Variants in AP3S2 observed in about 807,000 individuals in gnomAD.
The protein encoded by AP3S2 is AP-3 complex subunit sigma-2.
AP3S2 carries 22 observed loss-of-function variants against 23.4 expected under a neutral mutation model. The observed-to-expected ratio is 0.94, with a 90% confidence interval of 0.67 to 1.34. AP3S2 has a LOEUF of 1.34. Among genes scored for constraint, AP3S2 ranks in the 40% most tolerant of loss-of-function variants. The pLI, the probability that AP3S2 is intolerant of heterozygous loss-of-function variation, is 0.00. For synonymous variants in AP3S2, 86 were observed against 87.1 expected (o/e 0.99, Z 0.07); for missense variants, 241 against 236.9 (o/e 1.02, Z -0.11).
At chr15:89,874,499 G>T (rs1896396348) in intron 3 of AP3S2, among the ~76,000 whole-genome samples, 1 of 152,204 alleles carries the variant, frequency 6.6e-6, no homozygotes, top group South Asian at 2.1e-4. Context: ...CTAAGGCTGG[G>T]TGAGGTGGCT....
At chr15:89,837,786 G>A in intron 4 of AP3S2, 64 bp from the exon 5 acceptor site, 1 of 1,598,732 alleles carries the variant, frequency 6.3e-7, no homozygotes, top group Non-Finnish European at 8.6e-7. Flanking sequence ...AACCCACGAG[G>A]TTTCCTTTTC....
intron 4 of AP3S2, chr15:89,837,955 G>C: frequency 4.4e-6 from 2 of 454,020 alleles, no homozygotes; most frequent in Non-Finnish European, 4.0e-6. Context: ...ATGAGCACAG[G>C]CTTCAAAGTC....
intron 4 of AP3S2, among the ~76,000 whole-genome samples, chr15:89,855,646 C>A (rs1895811890): frequency 7.2e-6 from 1 of 139,860 alleles, no homozygotes; most frequent in South Asian, 2.3e-4. Flanking sequence ...ATCAGGAGTT[C>A]AAGACCAGCC....
chr15:89,889,806 G>T (rs1896777981), intron 1 of AP3S2, among the ~76,000 whole-genome samples: 1 of 140,592 alleles, frequency 7.1e-6, no homozygotes, highest in Non-Finnish European at 1.5e-5. Flanking sequence ...GGAGGTTACA[G>T]TGAGCCGAGA....
chr15:89,859,808 G>A (rs1171215772), intron 4 of AP3S2, among the ~76,000 whole-genome samples: 1 of 141,690 alleles, frequency 7.1e-6, no homozygotes, highest in Non-Finnish European at 1.5e-5. Context: ...CTGTCACCCA[G>A]GCTGGAGTGC....
At chr15:89,845,379 G>A (rs1176841518) in intron 4 of AP3S2, 1 of 152,244 alleles carries the variant, frequency 6.6e-6, no homozygotes, top group East Asian at 1.9e-4. Flanking sequence ...AGCTGCCCGT[G>A]TTAGTCCTGC....
rs752134637 is a variant in AP3S2, at chr15:89,871,496, A to G, written c.324T>C (p.Asp108=). The change falls in exon 4 of 6, where the codon GAT becomes GAC. Residue 108 remains aspartate (D), a synonymous_variant. Coordinates refer to ENST00000336418, the MANE Select transcript of AP3S2 (RefSeq NM_005829.5). ...DKCFENVCEL[D]LIFHMDKVHY... is the part of the protein sequence containing the mutation. ...ATACCTTATCCATATGGAAGATCAA[A>G]TCCAATTCACACACATTTTCGAAAC... 6.2e-7 allele frequency: 1 copy of G among 1,613,792 alleles called. No individual in the cohort carries two copies. Among genetic ancestry groups the G allele is most frequent in the South Asian group, 1.1e-5 (1 of 91,024 alleles).
chr15:89,874,196 T>A (rs1182659728), intron 3 of AP3S2, among the ~76,000 whole-genome samples: 1 of 152,106 alleles, frequency 6.6e-6, no homozygotes, highest in Non-Finnish European at 1.5e-5. Context: ...TTTTATTGTT[T>A]GTTCATTTTA....
intron 3 of AP3S2, among the ~76,000 whole-genome samples, chr15:89,884,650 C>CT (rs200193395): frequency 0.054 from 7,632 of 141,972 alleles, 421 homozygotes; most frequent in African/African-American, 0.14. Context: ...ACATCTTCCC[C>CT]TTTTTTTTTT....
rs567528935 is a variant in AP3S2, at chr15:89,831,555, C to T, written c.*3960G>A. On this transcript the variant is annotated 3_prime_UTR_variant, in exon 6 of 6. Coordinates refer to ENST00000336418, the MANE Select transcript of AP3S2 (RefSeq NM_005829.5). ...TCCTATTTGGAAAGCAATGGACAGA[C>T]AGCCACGCTGAAAGCCCTTACTAGA... 1 of 152,394 alleles carries T rather than the reference C, an allele frequency of 6.6e-6. No individual in the cohort carries two copies. Among genetic ancestry groups the T allele is most frequent in the East Asian group, 1.9e-4 (1 of 5,178 alleles). The allele number at this position is 152,394 out of a possible 1,614,324, so 9.4% of individuals were successfully genotyped here. A position where few individuals can be genotyped will look rare whatever the true frequency, so the allele number is the denominator to read the frequency against.
chr15:89,836,365 A>C (rs1895190964), intron 5 of AP3S2, among the ~76,000 whole-genome samples: 1 of 152,228 alleles, frequency 6.6e-6, no homozygotes, highest in South Asian at 2.1e-4. Flanking sequence ...TTTCCTCAAG[A>C]GACCAAAGAC....
intron 3 of AP3S2, among the ~76,000 whole-genome samples, chr15:89,879,385 T>C (rs1483322060): frequency 6.6e-6 from 1 of 152,168 alleles, no homozygotes; most frequent in Non-Finnish European, 1.5e-5. Context: ...TATGTGCATA[T>C]AGATGCACGT....
At chr15:89,879,052 A>AT (rs1288657108) in intron 3 of AP3S2, among the ~76,000 whole-genome samples, 2 of 152,094 alleles carry the variant, frequency 1.3e-5, no homozygotes, top group Non-Finnish European at 2.9e-5. Context: ...AGCCAGGCTA[A>AT]TTTTTTCGTA....
intron 4 of AP3S2, among the ~76,000 whole-genome samples, chr15:89,859,230 C>CTTCT (rs374287213): frequency 7.0e-6 from 1 of 141,920 alleles, no homozygotes; most frequent in Non-Finnish European, 1.5e-5. Context: ...TCTTTCTTTC[C>CTTCT]TTCTTTCTTT....
Position 89,830,609 on chromosome 15 carries a change from C to T in AP3S2, c.*4906G>A, listed in dbSNP as rs1194981730. 2 of 152,378 alleles carry T rather than the reference C, an allele frequency of 1.3e-5. No individual in the cohort carries two copies. Among genetic ancestry groups the T allele is most frequent in the Non-Finnish European group, 2.9e-5 (2 of 68,162 alleles). 9.4% of individuals were successfully genotyped at this position (152,378 alleles called of 1,614,324 possible). On this transcript the variant is annotated 3_prime_UTR_variant, in exon 6 of 6. Transcript: ENST00000336418. ...CATTTGCCTCAACCGTTCACTCATC[C>T]AACAGTTATTTATTGAACGCCATGG...
intron 4 of AP3S2, among the ~76,000 whole-genome samples, chr15:89,858,354 T>C (rs915956356): frequency 1.3e-5 from 2 of 151,652 alleles, no homozygotes; most frequent in Non-Finnish European, 2.9e-5. Context: ...TGCAGGAGAA[T>C]TGCTTGAACC....
chr15:89,864,629 C>T (rs986592092), intron 4 of AP3S2, among the ~76,000 whole-genome samples: 4 of 151,214 alleles, frequency 2.6e-5, no homozygotes, highest in African/African-American at 7.3e-5. Flanking sequence ...GGTGTGATCT[C>T]GGCTGCCGGG....
chr15:89,853,176 G>T, intron 4 of AP3S2, among the ~76,000 whole-genome samples: 1 of 152,182 alleles, frequency 6.6e-6, no homozygotes, highest in Non-Finnish European at 1.5e-5. Context: ...CAGCAAGGGA[G>T]TTAGTAAAAA....
chr15:89,866,983 T>A (rs1446377547), intron 4 of AP3S2, among the ~76,000 whole-genome samples: 1 of 95,816 alleles, frequency 1.0e-5, no homozygotes, highest in Non-Finnish European at 2.1e-5. Context: ...CCTTTTCCCC[T>A]CTCCCTCTCC....
Sources: gnomAD v4.1 joint callset for allele counts (sites outside exome capture counted in the v4.1 genomes callset) on GRCh38, gnomAD v4.1.1 for gene constraint, MANE v1.5 for transcripts, NCBI Gene and HGNC (gene_info 2026-07-23, HGNC 2026-07-21) for gene names.